The following CSGALNACT1 variants were observed in gnomAD, a reference collection of about 807,000 sequenced individuals.
CSGALNACT1 encodes the protein beta4GalNAcT-1.
In CSGALNACT1, 52 loss-of-function variants were observed where a neutral mutation model predicts 51.0. The ratio of observed to expected loss-of-function variants is 1.02; its 90% confidence interval spans 0.82 to 1.29. The LOEUF is 1.29. Ranked by LOEUF, CSGALNACT1 falls within the 50% of genes most tolerant of loss-of-function variation. The pLI is 0.00. For missense variants in CSGALNACT1, 935 were observed against 679.2 expected (o/e 1.38, Z -4.19); for synonymous variants, 341 against 254.4 (o/e 1.34, Z -3.24).
chr8:19,541,553 A>ATTTTTTTTTTTTTTTTTTTTTTTTTTTT (rs1159626193), intron 3 of CSGALNACT1, among the ~76,000 whole-genome samples: 1 of 70,098 alleles, frequency 1.4e-5, no homozygotes, highest in Non-Finnish European at 2.5e-5. Flanking sequence ...TGCTCAGCCA[A>ATTTTTTTTTTTTTTTTTTTTTTTTTTTT]TTTTTTTTTT....
intron 5 of CSGALNACT1, among the ~76,000 whole-genome samples, chr8:19,440,348 A>C (rs1465112332): frequency 2.0e-5 from 3 of 152,108 alleles, no homozygotes. Context: ...ATTCAGCAGC[A>C]CATCAAAAAG....
At chr8:19,461,754 A>C (rs1386774212) in intron 4 of CSGALNACT1, among the ~76,000 whole-genome samples, 3 of 150,434 alleles carry the variant, frequency 2.0e-5, no homozygotes, top group East Asian at 2.0e-4. Context: ...GGCCACATTC[A>C]CCATGGAGGG....
chr8:19,500,657 C>T (rs7817144), intron 4 of CSGALNACT1, among the ~76,000 whole-genome samples: 22,172 of 152,074 alleles, frequency 0.15, 1,705 homozygotes, highest in Middle Eastern at 0.22. Flanking sequence ...ACTCACTATC[C>T]CCGTGAGGTG....
chr8:19,643,911 CTTACTTTTTGACCTAGTAATT>C (rs2056994299), intron 1 of CSGALNACT1, among the ~76,000 whole-genome samples: 1 of 152,118 alleles, frequency 6.6e-6, no homozygotes, highest in African/African-American at 2.4e-5. Context: ...TTAAGGTGGT[CTTACTTTTTGACCTAGTAATT>C]TTACTTTGAG....
intron 1 of CSGALNACT1, among the ~76,000 whole-genome samples, chr8:19,676,869 A>G (rs751505689): frequency 7.2e-5 from 11 of 152,200 alleles, no homozygotes; most frequent in Non-Finnish European, 1.6e-4. Flanking sequence ...GAAAGGAGTG[A>G]ACCATCATGT....
chr8:19,633,956 A>AG (rs1258208235), intron 1 of CSGALNACT1, among the ~76,000 whole-genome samples: 2 of 152,060 alleles, frequency 1.3e-5, no homozygotes, highest in Non-Finnish European at 2.9e-5. Context: ...TTCCCAACCG[A>AG]GGGTTCGTGC....
intron 1 of CSGALNACT1, among the ~76,000 whole-genome samples, chr8:19,652,365 T>C (rs1243224055): frequency 1.3e-5 from 2 of 152,210 alleles, no homozygotes; most frequent in Admixed American, 6.5e-5. Flanking sequence ...TATAACTTTA[T>C]GTGACAGTAT....
intron 1 of CSGALNACT1, among the ~76,000 whole-genome samples, chr8:19,622,460 G>C (rs576448715): frequency 1.3e-5 from 2 of 152,120 alleles, no homozygotes; most frequent in Non-Finnish European, 2.9e-5. Context: ...AAAAGAAATC[G>C]TATGAACTTA....
At chr8:19,657,624 G>C (rs1286358877) in intron 1 of CSGALNACT1, among the ~76,000 whole-genome samples, 3 of 152,182 alleles carry the variant, frequency 2.0e-5, no homozygotes, top group African/African-American at 4.8e-5. Flanking sequence ...TCCATGTGAA[G>C]AGAAAAAGTA....
chr8:19,614,582 AT>A (rs1293401499), intron 1 of CSGALNACT1, among the ~76,000 whole-genome samples: 2 of 152,104 alleles, frequency 1.3e-5, no homozygotes, highest in African/African-American at 2.4e-5. Context: ...AAGATAAAAA[AT>A]TTTTTTTCAT....
At chr8:19,725,425 C>CTT (rs749829348) in intron 1 of CSGALNACT1, among the ~76,000 whole-genome samples, 48 of 136,124 alleles carry the variant, frequency 3.5e-4, no homozygotes, top group African/African-American at 1.0e-3. Context: ...TTTCTTTTTT[C>CTT]TTTTTTTTTT....
intron 1 of CSGALNACT1, among the ~76,000 whole-genome samples, chr8:19,626,625 T>C (rs548276891): frequency 6.6e-6 from 1 of 152,208 alleles, no homozygotes; most frequent in East Asian, 1.9e-4. Flanking sequence ...ATCTTGGGAA[T>C]AGGATGAAAA....
At chr8:19,657,690 AC>A (rs1265136661) in intron 1 of CSGALNACT1, among the ~76,000 whole-genome samples, 1 of 152,238 alleles carries the variant, frequency 6.6e-6, no homozygotes. Context: ...TAAGGGCAAA[AC>A]AAATCTGAGG....
chr8:19,635,202 C>A (rs373200618), intron 1 of CSGALNACT1, among the ~76,000 whole-genome samples: 3 of 152,154 alleles, frequency 2.0e-5, no homozygotes, highest in African/African-American at 7.2e-5. Flanking sequence ...AGACAGCTAC[C>A]CGTCCTCTCC....
At chr8:19,516,042 G>T (rs2975486) in intron 3 of CSGALNACT1, among the ~76,000 whole-genome samples, 1 of 152,284 alleles carries the variant, frequency 6.6e-6, no homozygotes, top group African/African-American at 2.4e-5. Context: ...GACTCCCGGA[G>T]TCTTTTGGGG....
intron 1 of CSGALNACT1, among the ~76,000 whole-genome samples, chr8:19,712,682 G>A (rs2062580685): frequency 6.6e-6 from 1 of 152,146 alleles, no homozygotes; most frequent in Non-Finnish European, 1.5e-5. Flanking sequence ...TTCTTAAAAT[G>A]CAGTGCCTTC....
intron 2 of CSGALNACT1, among the ~76,000 whole-genome samples, chr8:19,594,263 G>C (rs1054118089): frequency 6.6e-6 from 1 of 152,172 alleles, no homozygotes. Flanking sequence ...AACTACCAGA[G>C]TTTATTGTCA....
chr8:19,535,228 T>C (rs1337801034), intron 3 of CSGALNACT1, among the ~76,000 whole-genome samples: 1 of 152,210 alleles, frequency 6.6e-6, no homozygotes, highest in African/African-American at 2.4e-5. Context: ...TATTATTTCC[T>C]ATGTTTAATT....
chr8:19,482,327 C>T (rs1309872284), intron 4 of CSGALNACT1, among the ~76,000 whole-genome samples: 1 of 152,174 alleles, frequency 6.6e-6, no homozygotes, highest in East Asian at 1.9e-4. Flanking sequence ...ATGCAGGGAG[C>T]AGCACTGTGC....
Sources: gnomAD v4.1 joint callset for allele counts (sites outside exome capture counted in the v4.1 genomes callset) on GRCh38, gnomAD v4.1.1 for gene constraint, MANE v1.5 for transcripts, NCBI Gene and HGNC (gene_info 2026-07-23, HGNC 2026-07-21) for gene names.